PEMT: variants seen among roughly 807,000 people sequenced by gnomAD.
PEMT encodes phosphatidylethanolamine N-methyltransferase.
A neutral mutation model predicts 27.4 loss-of-function variants in PEMT; 23 were observed. The observed-to-expected ratio is 0.84, with a 90% CI of 0.60 to 1.19. The LOEUF (loss-of-function observed/expected upper bound fraction) is 1.19. PEMT is among the 50% of genes most tolerant of loss of function. The pLI, the probability that PEMT is intolerant of heterozygous loss-of-function variation, is 0.00. For missense variants in PEMT, 307 were observed against 310.1 expected, an observed-to-expected ratio of 0.99 and a Z score of 0.07; for synonymous variants, 137 against 139.1, an observed-to-expected ratio of 0.98 and a Z score of 0.11.
At chr17:17,528,908 G>A (rs1907895026) in intron 2 of PEMT, among the ~76,000 whole-genome samples, 1 of 152,206 alleles carries the variant, frequency 6.6e-6, no homozygotes, top group African/African-American at 2.4e-5. Context: ...AGCCCATCGA[G>A]GCATTTCCTC....
chr17:17,507,346 C>G (rs1905958446), intron 5 of PEMT: 3 of 668,110 alleles, frequency 4.5e-6, no homozygotes, highest in Admixed American at 4.6e-5. Context: ...TGCCCCCTCC[C>G]CAGCCAAACC....
rs2142725474 is a variant in PEMT, at chr17:17,570,823, A to G, written c.204+6097T>C. 3.0e-6 allele frequency: 3 copies of G among 985,402 alleles called. No individual in the cohort carries two copies. The South Asian group carries it at 1.4e-4, about 46-fold the overall frequency. 61.0% of individuals were successfully genotyped at this position (985,402 alleles called of 1,614,324 possible). A position where few individuals can be genotyped will look rare whatever the true frequency, so the allele number is the denominator to read the frequency against. On this transcript the variant is annotated intron_variant, in intron 2 of 6. Transcript: ENST00000255389. The stretch of plus-strand genomic sequence containing the variant: ...TGCTGCTGGTGATCTGGCGGGGGTG[A>G]TGGCACGAAGCCAGGTAGAGTCCGC...
chr17:17,583,915 T>C (rs971041403), intron 1 of PEMT, among the ~76,000 whole-genome samples: 3 of 152,074 alleles, frequency 2.0e-5, no homozygotes, highest in African/African-American at 7.3e-5. Context: ...TAAAACGAAA[T>C]GGCAGGCAGC....
At chr17:17,553,883 C>A (rs1175006935) in intron 2 of PEMT, among the ~76,000 whole-genome samples, 1 of 152,356 alleles carries the variant, frequency 6.6e-6, no homozygotes, top group South Asian at 2.1e-4. Context: ...AGGAGAGGAG[C>A]CGCACTTGGG....
At chr17:17,566,544 C>T (rs1190068081) in intron 2 of PEMT, among the ~76,000 whole-genome samples, 3 of 152,174 alleles carry the variant, frequency 2.0e-5, no homozygotes, top group African/African-American at 7.2e-5. Flanking sequence ...CCGCAGGGTT[C>T]AGGAAGGCAC....
intron 2 of PEMT, among the ~76,000 whole-genome samples, chr17:17,551,499 G>A (rs962692766): frequency 6.6e-6 from 1 of 152,236 alleles, no homozygotes; most frequent in Admixed American, 6.5e-5. Context: ...GCCCAGCCCA[G>A]TCCCTGATGA....
At position 17,523,555 on chromosome 17, in the gene PEMT, C is replaced by T. The variant is rs1392894653; in HGVS notation, c.205-1160G>A. 3.3e-5 allele frequency among the ~76,000 whole-genome samples: 5 copies of T among 152,162 alleles called. No individual in the cohort carries two copies. Among genetic ancestry groups the T allele is most frequent in the African/African-American group, 7.2e-5 (3 of 41,442 alleles). ...AAGGAGAAGTGAAGGAGGTAGCTCC[C>T]GGGCCTTCCCCTCAACCAGCTGTTG... On this transcript the variant is annotated intron_variant, in intron 2 of 6. Coordinates refer to ENST00000255389, the MANE Select transcript of PEMT (RefSeq NM_148172.3). This position sits in a 1 kb window ranked among gnomAD's most constrained non-coding sequence, Gnocchi z 4.8.
chr17:17,566,860 G>A (rs1380724206), intron 2 of PEMT, among the ~76,000 whole-genome samples: 2 of 152,210 alleles, frequency 1.3e-5, no homozygotes, highest in Admixed American at 6.5e-5. Flanking sequence ...GGAAGTAGGA[G>A]GCCCAACCTA....
chr17:17,518,683 C>T (rs1414764786), intron 3 of PEMT, among the ~76,000 whole-genome samples: 1 of 152,234 alleles, frequency 6.6e-6, no homozygotes, highest in African/African-American at 2.4e-5. Context: ...CAAGCACGTG[C>T]CTGTGTTCTC....
chr17:17,506,900 T>A, intron 5 of PEMT: 1 of 505,196 alleles, frequency 2.0e-6, no homozygotes, highest in Non-Finnish European at 3.6e-6. Flanking sequence ...GCTTGGGCTC[T>A]CCCAGGTGGT....
intron 1 of PEMT, among the ~76,000 whole-genome samples, chr17:17,586,583 C>T (rs1453423452): frequency 6.6e-6 from 1 of 152,194 alleles, no homozygotes; most frequent in Non-Finnish European, 1.5e-5. Context: ...AATCTAGAAA[C>T]ATTTTGAACT....
rs1478606138 is a variant in PEMT at position 17,582,789 on chromosome 17, C to T, written c.97-5762G>A. On this transcript the variant is annotated intron_variant, in intron 1 of 6. Coordinates refer to ENST00000255389, the MANE Select transcript of PEMT (RefSeq NM_148172.3). The surrounding 1 kb of genome is among the most constrained non-coding windows in gnomAD (Gnocchi z 4.9). ...CTCTAAGTTTATTCTCTGGGCCGGG[C>T]GCGATGGCTCACCCCCGTAATCCCA... Among the ~76,000 whole-genome samples the T allele has an allele frequency of 1.3e-5, 2 of 152,142 alleles. No homozygotes were observed. Among genetic ancestry groups the T allele is most frequent in the Non-Finnish European group, 1.5e-5 (1 of 68,034 alleles).
intron 1 of PEMT, among the ~76,000 whole-genome samples, chr17:17,580,180 G>T (rs566691141): frequency 2.6e-4 from 39 of 152,268 alleles, no homozygotes; most frequent in African/African-American, 8.9e-4. Flanking sequence ...TCAGCTTGAT[G>T]ATAACATCTA....
intron 2 of PEMT, among the ~76,000 whole-genome samples, chr17:17,525,635 G>C (rs1453179949): frequency 1.3e-5 from 2 of 152,170 alleles, no homozygotes; most frequent in Non-Finnish European, 2.9e-5. Flanking sequence ...AACACTCCGT[G>C]ACCCTGGCTC....
At chr17:17,551,898 C>T (rs1458785029) in intron 2 of PEMT, among the ~76,000 whole-genome samples, 1 of 152,182 alleles carries the variant, frequency 6.6e-6, no homozygotes, top group Admixed American at 6.5e-5. Flanking sequence ...AAAAAAACTT[C>T]AGGCATTTAA....
At chr17:17,550,405 C>T (rs1909566671) in intron 2 of PEMT, among the ~76,000 whole-genome samples, 1 of 152,174 alleles carries the variant, frequency 6.6e-6, no homozygotes. Context: ...AATTTGGGGT[C>T]CCCTGTGGCA....
chr17:17,519,887 G>A (rs575491631), intron 3 of PEMT, among the ~76,000 whole-genome samples: 190 of 152,342 alleles, frequency 1.2e-3, no homozygotes, highest in African/African-American at 4.4e-3. Context: ...GGCGCTGGCC[G>A]GTGTTTCTGG....
Position 17,512,520 on chromosome 17 carries a change from C to T in PEMT, c.455G>A (p.Gly152Glu). The change falls in exon 4 of 7, where the codon GGA becomes GAA. Residue 152 changes from glycine (G) to glutamate (E), a missense_variant. Coordinates refer to ENST00000255389, the MANE Select transcript of PEMT (RefSeq NM_148172.3). The surrounding 1 kb of genome is among the most constrained non-coding windows in gnomAD (Gnocchi z 6.3). ...CCTCAGGGTCTTACCTAGGAAAGTT[C>T]CAGCGAACCCCAGTGCAAAGAAGCT... ...LSSFFALGFAGTFLGDYFGIL... is the reference protein window; with the variant it reads ...LSSFFALGFAETFLGDYFGIL... 2 of 1,600,064 alleles carry T rather than the reference C, an allele frequency of 1.2e-6. No individual in the cohort carries two copies. The highest frequency in any genetic ancestry group is 1.7e-6 in the Non-Finnish European group (2 of 1,172,424).
chr17:17,515,362 T>C (rs898339920), intron 3 of PEMT, among the ~76,000 whole-genome samples: 6 of 152,142 alleles, frequency 3.9e-5, no homozygotes, highest in African/African-American at 1.4e-4. Flanking sequence ...GAAGGGCAGA[T>C]CCGGGGCCAG....
Sources: gnomAD v4.1 joint callset for allele counts (sites outside exome capture counted in the v4.1 genomes callset) on GRCh38, gnomAD v4.1.1 for gene constraint, Gnocchi (gnomAD v3.1) non-coding constraint, MANE v1.5 for transcripts, NCBI Gene and HGNC (gene_info 2026-07-23, HGNC 2026-07-21) for gene names.